Variants in TPO observed in about 807,000 individuals in gnomAD.
TPO encodes thyroid peroxidase, also known as thyroid microsomal antigen.
A neutral mutation model predicts 96.9 loss-of-function variants in TPO; 78 were observed. The ratio of observed to expected loss-of-function variants is 0.81; its 90% CI spans 0.67 to 0.97. TPO has a LOEUF of 0.97. Ranked by LOEUF, TPO falls within the 50% of genes least tolerant of loss-of-function variation. TPO has a pLI of 0.00. For missense variants in TPO, 1,252 were observed against 1,274.8 expected (o/e 0.98, Z 0.27); for synonymous variants, 547 against 538.0 (o/e 1.02, Z -0.23).
intron 14 of TPO, among the ~76,000 whole-genome samples, chr2:1,513,225 G>A (rs1340034871): frequency 6.6e-6 from 1 of 152,250 alleles, no homozygotes; most frequent in Admixed American, 6.5e-5. Context: ...CTGCCTGCAT[G>A]AGGAAGGGTG....
intron 8 of TPO, chr2:1,477,892 C>A: frequency 1.0e-6 from 1 of 985,436 alleles, no homozygotes; most frequent in Non-Finnish European, 1.2e-6. Flanking sequence ...TACCCTCCAG[C>A]CGGCTGGTGA....
chr2:1,388,531 G>A (rs1157922746), intron 1 of TPO, among the ~76,000 whole-genome samples: 1 of 152,216 alleles, frequency 6.6e-6, no homozygotes, highest in African/African-American at 2.4e-5. Context: ...ATAATCTCCT[G>A]GTGTGCCGTT....
At chr2:1,420,482 G>A (rs886834528) in intron 2 of TPO, among the ~76,000 whole-genome samples, 1 of 152,144 alleles carries the variant, frequency 6.6e-6, no homozygotes, top group African/African-American at 2.4e-5. Flanking sequence ...CTAAAGATCA[G>A]CAGGATCAAA....
At chr2:1,491,167 C>CAA (rs201015140) in intron 10 of TPO, among the ~76,000 whole-genome samples, 8 of 146,850 alleles carry the variant, frequency 5.4e-5, no homozygotes, top group Middle Eastern at 3.5e-3. Flanking sequence ...GAGACTCAGT[C>CAA]AAAAAAAAAA....
chr2:1,375,014 C>T (rs1409277752), intron 1 of TPO, among the ~76,000 whole-genome samples: 1 of 151,978 alleles, frequency 6.6e-6, no homozygotes, highest in Non-Finnish European at 1.5e-5. Flanking sequence ...CAGGCATGAA[C>T]CACTGCACCC....
chr2:1,399,958 C>T (rs1558246736), intron 1 of TPO, among the ~76,000 whole-genome samples: 1 of 152,198 alleles, frequency 6.6e-6, no homozygotes, highest in African/African-American at 2.4e-5. Flanking sequence ...ATGGGAGCTG[C>T]CACCCATGGC....
intron 14 of TPO, among the ~76,000 whole-genome samples, chr2:1,505,159 A>G (rs1260493766): frequency 2.6e-5 from 4 of 152,176 alleles, no homozygotes; most frequent in Non-Finnish European, 5.9e-5. Context: ...CGGGGCCTTC[A>G]GAGGCTGGGG....
upstream of TPO, among the ~76,000 whole-genome samples, chr2:1,408,546 C>T (rs1055013628): frequency 6.6e-6 from 1 of 152,118 alleles, no homozygotes; most frequent in African/African-American, 2.4e-5. Flanking sequence ...CTGCATAATT[C>T]ATGAGGAAAC....
rs529540260 is a variant in TPO at position 1,385,138 on chromosome 2, A to C, written n.180+10736A>C. 2.8e-3 allele frequency among the ~76,000 whole-genome samples: 429 copies of C among 151,592 alleles called. 2 individuals carry two copies. Among genetic ancestry groups the C allele is most frequent in the African/African-American group, 0.01 (415 of 41,312 alleles). ...GTATTTTATTGAGGATTTTTGCATC[A>C]GTGTTCATCAGGGATATTGGTCTAA... On this transcript the variant is annotated intron_variant and non_coding_transcript_variant, in intron 1 of 5. Coordinates refer to the TPO transcript ENST00000497517.
intron 15 of TPO, among the ~76,000 whole-genome samples, chr2:1,536,739 C>G (rs1202093781): frequency 8.4e-6 from 1 of 119,054 alleles, no homozygotes; most frequent in Non-Finnish European, 1.7e-5. Context: ...CCCCACCACT[C>G]TGTGCAACCT....
intron 14 of TPO, among the ~76,000 whole-genome samples, chr2:1,504,653 C>T (rs139277753): frequency 1.1e-4 from 16 of 152,336 alleles, no homozygotes; most frequent in South Asian, 1.0e-3. Context: ...GTGCCAGCTA[C>T]GCCCAAACTT....
chr2:1,483,513 G>T (rs1670835420), intron 8 of TPO, among the ~76,000 whole-genome samples: 1 of 152,232 alleles, frequency 6.6e-6, no homozygotes, highest in Non-Finnish European at 1.5e-5. Flanking sequence ...TTCTCACGCG[G>T]TTAGGAGGAG....
chr2:1,385,878 G>A (rs1415095572), intron 1 of TPO, among the ~76,000 whole-genome samples: 2 of 151,960 alleles, frequency 1.3e-5, no homozygotes, highest in Non-Finnish European at 2.9e-5. Flanking sequence ...TCTACACACC[G>A]CTTTAAATGT....
In TPO at chr2:1,496,156, C is replaced by A; in HGVS notation, c.2174C>A (p.Thr725Asn). The A allele has an allele frequency of 1.2e-6, 2 of 1,614,138 alleles. No homozygotes were observed. The highest frequency in any genetic ancestry group is 1.7e-6 in the Non-Finnish European group (2 of 1,180,026). Residue 725 changes from threonine to asparagine, a missense_variant, in exon 12 of 17, where the codon ACT (threonine) becomes AAT (asparagine). Thr to Asn is a moderately conservative substitution (Grantham distance 65). Transcript: ENST00000329066. ...PEDFESCDSI[T>N]GMNLEAWRET... ...GACTTTGAGTCTTGTGACAGCATCACTGGCATGAACCTGGAGGCCTGGAGG... is the reference window on the plus strand; with the variant it reads ...GACTTTGAGTCTTGTGACAGCATCAATGGCATGAACCTGGAGGCCTGGAGG...
At chr2:1,521,266 TC>T (rs1424335035) in intron 15 of TPO, among the ~76,000 whole-genome samples, 2 of 152,182 alleles carry the variant, frequency 1.3e-5, no homozygotes. Flanking sequence ...AACCCTTTGT[TC>T]CCTCCTGCAC....
At chr2:1,540,883 A>T in intron 16 of TPO, 160 bp downstream of exon 16, 4 of 1,547,842 alleles carry the variant, frequency 2.6e-6, no homozygotes, top group African/African-American at 2.7e-5. Context: ...TTTACAAGCT[A>T]ATGACAGTGA....
chr2:1,537,194 C>T (rs1354429642), intron 15 of TPO, among the ~76,000 whole-genome samples: 7 of 131,478 alleles, frequency 5.3e-5, no homozygotes. Flanking sequence ...TAGCAACCTC[C>T]CCAAATCCCC....
intron 6 of TPO, 127 bp downstream of exon 6, chr2:1,453,950 G>A: frequency 7.1e-7 from 1 of 1,415,994 alleles, no homozygotes; most frequent in Non-Finnish European, 9.8e-7. Context: ...GATCCTCCCA[G>A]CCTCCCTTTG....
chr2:1,523,130 G>A (rs1288326893), intron 15 of TPO, among the ~76,000 whole-genome samples: 2 of 48,372 alleles, frequency 4.1e-5, no homozygotes, highest in African/African-American at 8.5e-5. Flanking sequence ...CCCCAAATCC[G>A]CCCCACCCTG....
Sources: allele counts gnomAD v4.1 joint callset (sites outside exome capture counted in the v4.1 genomes callset), GRCh38; gene constraint gnomAD v4.1.1; transcripts MANE v1.5; gene names NCBI Gene and HGNC (gene_info 2026-07-23, HGNC 2026-07-21).